MS4A15: variants seen among roughly 807,000 people sequenced by gnomAD.
MS4A15 encodes the protein membrane-spanning 4-domains subfamily A member 15.
Under a neutral mutation model 20.6 loss-of-function variants are expected in MS4A15, and 22 were observed. That is an observed-to-expected ratio of 1.07 (90% CI 0.76 to 1.52). The LOEUF is 1.52. MS4A15 is among the 40% of genes most tolerant of loss of function. The pLI is 0.00. For missense variants in MS4A15, 312 were observed against 323.0 expected (o/e 0.97, Z 0.26); for synonymous variants, 129 against 129.3 (o/e 1.00, Z 0.02).
rs1032713032 is a variant in MS4A15 at position 60,771,816 on chromosome 11, T to G, written c.405+469T>G. 39 of 1,188,318 alleles carry G rather than the reference T, an allele frequency of 3.3e-5. No individual in the cohort carries two copies. The South Asian group carries it at 5.5e-4, about 17-fold the overall frequency. 73.6% of individuals were successfully genotyped at this position (1,188,318 alleles called of 1,614,324 possible). On this transcript the variant is annotated intron_variant, in intron 4 of 6. Coordinates refer to ENST00000405633, the MANE Select transcript of MS4A15 (RefSeq NM_001098835.2). ...GAGAGATTTAATCCCATGATGGGGC[T>G]GGATTGTGGAGGGCTTGGTGCCTTC...
chr11:60,759,512 C>G (rs1437807065), intron 1 of MS4A15, among the ~76,000 whole-genome samples: 1 of 152,200 alleles, frequency 6.6e-6, no homozygotes, highest in Admixed American at 6.5e-5. Context: ...CTTACCATCC[C>G]CTAGCCCGAC....
chr11:60,772,521 G>A (rs1210378928), intron 4 of MS4A15, among the ~76,000 whole-genome samples: 16 of 152,218 alleles, frequency 1.1e-4, no homozygotes, highest in Non-Finnish European at 1.8e-4. Flanking sequence ...CTGGCATGCA[G>A]TAGGTGCTCA....
chr11:60,764,995 C>T (rs1283941215), intron 2 of MS4A15, among the ~76,000 whole-genome samples: 1 of 152,174 alleles, frequency 6.6e-6, no homozygotes, highest in Non-Finnish European at 1.5e-5. Context: ...TCTGGCAGCA[C>T]TCAAAACCAG....
Position 60,760,523 on chromosome 11 carries a change from G to A in MS4A15, c.-28-3183G>A, listed in dbSNP as rs543567684. Among the ~76,000 whole-genome samples, 8 of 152,212 alleles carry A rather than the reference G, an allele frequency of 5.3e-5. No homozygotes were observed. The East Asian group carries it at 1.3e-3, about 26-fold the overall frequency. Reference sequence around the variant, plus strand: ...ACCTAATACATGCTATCCCCATGCCGGAGAAAAAACTAAAGATGCAGTTGC... The same window carrying A: ...ACCTAATACATGCTATCCCCATGCCAGAGAAAAAACTAAAGATGCAGTTGC... On this transcript the variant is annotated intron_variant, in intron 1 of 6. Transcript: ENST00000405633.
At chr11:60,766,581 G>A (rs1020290241) in intron 2 of MS4A15, among the ~76,000 whole-genome samples, 10 of 152,180 alleles carry the variant, frequency 6.6e-5, no homozygotes, top group Admixed American at 2.6e-4. Flanking sequence ...CAACGCTGGC[G>A]ACTTGGACAC....
chr11:60,766,698 C>T (rs1282500851), intron 2 of MS4A15, among the ~76,000 whole-genome samples: 1 of 152,230 alleles, frequency 6.6e-6, no homozygotes, highest in Non-Finnish European at 1.5e-5. Flanking sequence ...TATCCAAATA[C>T]TTGGCACTCA....
In MS4A15 at chr11:60,775,994, C is replaced by A; in HGVS notation, c.*279C>A. 3.3e-6 allele frequency: 1 copy of A among 299,712 alleles called. No homozygotes were observed. Among genetic ancestry groups the A allele is most frequent in the Non-Finnish European group, 6.3e-6 (1 of 159,528 alleles). The allele number at this position is 299,712 out of a possible 1,614,324, so 18.6% of individuals were successfully genotyped here. On this transcript the variant is annotated 3_prime_UTR_variant, in exon 7 of 7. Transcript: ENST00000405633. ...CTTCCAGGACACCCACCTTGTGCAT[C>A]TAAGCATTTCTCTGCTCATTGGGGA...
chr11:60,763,004 AG>A (rs1264972046), intron 1 of MS4A15, among the ~76,000 whole-genome samples: 1 of 152,156 alleles, frequency 6.6e-6, no homozygotes, highest in African/African-American at 2.4e-5. Context: ...TGGTTTAACA[AG>A]CTCTTTCAAT....
intron 2 of MS4A15, among the ~76,000 whole-genome samples, chr11:60,765,762 G>A (rs1853869159): frequency 6.6e-6 from 1 of 151,926 alleles, no homozygotes; most frequent in Non-Finnish European, 1.5e-5. Context: ...TGCAGAGGGG[G>A]ACTGGACTGG....
chr11:60,771,145 G>T, intron 3 of MS4A15, 146 bp from the exon 4 acceptor site: 1 of 810,262 alleles, frequency 1.2e-6, no homozygotes, highest in Non-Finnish European at 2.0e-6. Context: ...CACCCCTGCC[G>T]AGAGACCCCA....
chr11:60,771,394 A>G, intron 4 of MS4A15, 47 bp downstream of exon 4: 1 of 1,611,544 alleles, frequency 6.2e-7, no homozygotes, highest in Non-Finnish European at 8.5e-7. Flanking sequence ...AGCCACAGCT[A>G]AATCTCACTC....
chr11:60,770,224 C>T (rs1489356463), intron 3 of MS4A15, among the ~76,000 whole-genome samples: 1 of 152,186 alleles, frequency 6.6e-6, no homozygotes, highest in Non-Finnish European at 1.5e-5. Context: ...CCCCAGTGAC[C>T]GCTATGACTT....
Position 60,776,385 on chromosome 11 carries a change from T to G in MS4A15, c.*670T>G, listed in dbSNP as rs1854194092. 1 of 152,230 alleles carries G rather than the reference T, an allele frequency of 6.6e-6. No individual in the cohort carries two copies. Among genetic ancestry groups the G allele is most frequent in the African/African-American group, 2.4e-5 (1 of 41,446 alleles). The allele number at this position is 152,230 out of a possible 1,614,324, so 9.4% of individuals were successfully genotyped here. On this transcript the variant is annotated 3_prime_UTR_variant, in exon 7 of 7. Transcript: ENST00000405633. ...CCTGGAAACCCTCATTTTCCTTGTC[T>G]GTAATATGAAGTCAGCATTGGCCCC...
intron 3 of MS4A15, 30 bp from the exon 4 acceptor site, chr11:60,771,261 G>C (rs56355924): frequency 6.2e-7 from 1 of 1,612,410 alleles, no homozygotes; most frequent in East Asian, 2.2e-5. Flanking sequence ...TCCTGGCTGA[G>C]GCCTCACCTG....
chr11:60,773,813 CT>C (rs1460751500), intron 5 of MS4A15, 23 bp from the exon 6 acceptor site: 2 of 1,602,944 alleles, frequency 1.2e-6, no homozygotes, highest in Non-Finnish European at 1.7e-6. Flanking sequence ...CTGGGCTCAC[CT>C]TTCTGTGGGT....
At chr11:60,763,615 C>A in intron 1 of MS4A15, 91 bp from the exon 2 acceptor site, 1 of 1,055,066 alleles carries the variant, frequency 9.5e-7, no homozygotes, top group Non-Finnish European at 1.4e-6. Flanking sequence ...GGCAGGGCTG[C>A]AGTAAGCAAG....
At position 60,765,881 on chromosome 11, in the gene MS4A15, CAA is replaced by C. The variant is rs11351320; in HGVS notation, c.226-1637_226-1636del. Among the ~76,000 whole-genome samples, 1,210 of 137,810 alleles carry C rather than the reference CAA, an allele frequency of 8.8e-3. 4 individuals are homozygous for C. The highest frequency in any genetic ancestry group is 0.027 in the African/African-American group (1,009 of 37,616). 90.4% of individuals were successfully genotyped at this position (137,810 alleles called of 152,430 possible). A position where few individuals can be genotyped will look rare whatever the true frequency, so the allele number is the denominator to read the frequency against. ...CCTGGGAACCAGAGCTCTCCCCCTC[CAA>C]AAAAAAAAAAAAAATTGATGAGACA... On this transcript the variant is annotated intron_variant, in intron 2 of 6. Transcript: ENST00000405633.
chr11:60,762,781 A>G (rs1437799572), intron 1 of MS4A15, among the ~76,000 whole-genome samples: 5 of 152,302 alleles, frequency 3.3e-5, no homozygotes, highest in South Asian at 4.1e-4. Flanking sequence ...GCTTATGTAC[A>G]TGGCATTTGA....
intron 2 of MS4A15, among the ~76,000 whole-genome samples, chr11:60,765,654 C>G (rs1317674770): frequency 6.6e-6 from 1 of 152,140 alleles, no homozygotes; most frequent in Non-Finnish European, 1.5e-5. Flanking sequence ...ATGGCTGACC[C>G]TAAAGTTCTA....
Sources: gnomAD v4.1 joint callset for allele counts (sites outside exome capture counted in the v4.1 genomes callset) on GRCh38, gnomAD v4.1.1 for gene constraint, MANE v1.5 for transcripts, NCBI Gene and HGNC (gene_info 2026-07-23, HGNC 2026-07-21) for gene names.